TMEM178B: variants seen among roughly 807,000 people sequenced by gnomAD.
TMEM178B encodes transmembrane protein 178B.
TMEM178B carries 5 observed loss-of-function variants against 31.0 expected under a neutral mutation model. That is an observed-to-expected ratio of 0.16 (90% CI 0.08 to 0.34). TMEM178B has a LOEUF of 0.34. Among genes scored for constraint, TMEM178B ranks in the 10% least tolerant of loss-of-function variants. The pLI is 1.00. For missense variants in TMEM178B, 275 were observed against 400.3 expected (o/e 0.69, Z 2.67); for synonymous variants, 164 against 164.0 (o/e 1.00, Z 0.00).
intron 3 of TMEM178B, among the ~76,000 whole-genome samples, chr7:141,462,392 A>G (rs1392749451): frequency 6.6e-6 from 1 of 152,118 alleles, no homozygotes; most frequent in Admixed American, 6.5e-5. Context: ...GGGTGTAGAA[A>G]GAAAGAAATA....
intron 2 of TMEM178B, among the ~76,000 whole-genome samples, chr7:141,270,579 G>A (rs1798165891): frequency 6.6e-6 from 1 of 152,104 alleles, no homozygotes; most frequent in South Asian, 2.1e-4. Flanking sequence ...TTGTTTTGTT[G>A]CTCTTCTTTC....
chr7:141,224,020 A>C (rs1487549466), intron 2 of TMEM178B, among the ~76,000 whole-genome samples: 1 of 152,162 alleles, frequency 6.6e-6, no homozygotes, highest in African/African-American at 2.4e-5. Context: ...TAATTGAATC[A>C]TGGGGGCGGT....
intron 2 of TMEM178B, among the ~76,000 whole-genome samples, chr7:141,385,212 A>G (rs989030136): frequency 3.7e-4 from 56 of 152,262 alleles, no homozygotes; most frequent in African/African-American, 1.3e-3. Flanking sequence ...CTGATGTTTC[A>G]TGGTCCTTAA....
At chr7:141,510,654 C>T in the TMEM178B span, among the ~76,000 whole-genome samples, 1 of 116,246 alleles carries the variant, frequency 8.6e-6, no homozygotes, top group Non-Finnish European at 1.7e-5. Context: ...TGTTGCACTC[C>T]AGCCTGGGCA....
At chr7:141,482,965 G>T (rs1454368812), downstream of TMEM178B, among the ~76,000 whole-genome samples, 1 of 152,078 alleles carries the variant, frequency 6.6e-6, no homozygotes, top group African/African-American at 2.4e-5. Flanking sequence ...AAGTACCTAT[G>T]TGGCTAACCT....
chr7:141,401,494 C>A (rs1243049713), intron 2 of TMEM178B, among the ~76,000 whole-genome samples: 1 of 152,186 alleles, frequency 6.6e-6, no homozygotes, highest in Non-Finnish European at 1.5e-5. Context: ...TAGCTCACTG[C>A]AGCCTCAAAT....
At chr7:141,339,568 C>A (rs940926299) in intron 2 of TMEM178B, among the ~76,000 whole-genome samples, 2 of 152,148 alleles carry the variant, frequency 1.3e-5, no homozygotes, top group African/African-American at 2.4e-5. Flanking sequence ...CTAGGGAGTT[C>A]ATAAAGTGGA....
chr7:141,215,337 A>ATTATTATTATTATTATTATTATT (rs55726735), intron 2 of TMEM178B, among the ~76,000 whole-genome samples: 73 of 141,550 alleles, frequency 5.2e-4, no homozygotes, highest in Admixed American at 1.6e-3. Context: ...TATTATTATT[A>ATTATTATTATTATTATTATTATT]TTTTTTGAGA....
intron 1 of TMEM178B, among the ~76,000 whole-genome samples, chr7:141,200,389 G>C (rs1271293609): frequency 6.6e-6 from 1 of 151,046 alleles, no homozygotes; most frequent in Non-Finnish European, 1.5e-5. Flanking sequence ...GCTGAGAGGT[G>C]GTTTTTTTAG....
the TMEM178B span, among the ~76,000 whole-genome samples, chr7:141,500,595 T>C: frequency 6.6e-6 from 1 of 152,200 alleles, no homozygotes; most frequent in East Asian, 1.9e-4. Flanking sequence ...TATGGCCGTG[T>C]AGTCCTACGG....
At chr7:141,174,556 G>A (rs1486861739) in intron 1 of TMEM178B, among the ~76,000 whole-genome samples, 1 of 152,146 alleles carries the variant, frequency 6.6e-6, no homozygotes, top group African/African-American at 2.4e-5. Flanking sequence ...CACAATGGTT[G>A]AACTAATTTA....
intron 2 of TMEM178B, among the ~76,000 whole-genome samples, chr7:141,291,668 G>A (rs1798548120): frequency 6.6e-6 from 1 of 152,052 alleles, no homozygotes; most frequent in Admixed American, 6.5e-5. Context: ...AGAACCCTGT[G>A]CCGATTGTAG....
chr7:141,246,446 G>A (rs1797731308), intron 2 of TMEM178B, among the ~76,000 whole-genome samples: 1 of 152,180 alleles, frequency 6.6e-6, no homozygotes, highest in African/African-American at 2.4e-5. Context: ...CCTCTAGGGG[G>A]TTGTAACATA....
chr7:141,251,371 G>A (rs1797830886), intron 2 of TMEM178B, among the ~76,000 whole-genome samples: 1 of 151,996 alleles, frequency 6.6e-6, no homozygotes, highest in African/African-American at 2.4e-5. Flanking sequence ...CATCATATGT[G>A]TACCTGGGAA....
the TMEM178B span, among the ~76,000 whole-genome samples, chr7:141,494,109 A>G: frequency 1.1e-4 from 16 of 152,218 alleles, no homozygotes; most frequent in African/African-American, 3.6e-4. Flanking sequence ...AACAAATACT[A>G]TATTAAGATT....
intron 1 of TMEM178B, among the ~76,000 whole-genome samples, chr7:141,180,262 G>A (rs780893316): frequency 6.6e-6 from 1 of 152,028 alleles, no homozygotes; most frequent in Non-Finnish European, 1.5e-5. Flanking sequence ...ATCACCTGAG[G>A]TCAGGAGTTT....
At chr7:141,115,956 A>G (rs1316536739) in intron 1 of TMEM178B, among the ~76,000 whole-genome samples, 1 of 152,244 alleles carries the variant, frequency 6.6e-6, no homozygotes, top group East Asian at 1.9e-4. Context: ...AATAAATAAA[A>G]TGACAAAACC....
the TMEM178B span, among the ~76,000 whole-genome samples, chr7:141,489,984 A>C: frequency 4.6e-5 from 7 of 152,208 alleles, no homozygotes; most frequent in Non-Finnish European, 5.9e-5. Context: ...GGTTGCTACA[A>C]GTGTTAGAGT....
the TMEM178B span, among the ~76,000 whole-genome samples, chr7:141,505,190 A>G: frequency 6.6e-6 from 1 of 152,234 alleles, no homozygotes; most frequent in Non-Finnish European, 1.5e-5. Flanking sequence ...TTGGATTATA[A>G]ATCCATAACC....
Sources: allele counts gnomAD v4.1 joint callset (sites outside exome capture counted in the v4.1 genomes callset), GRCh38; gene constraint gnomAD v4.1.1; transcripts MANE v1.5; gene names NCBI Gene and HGNC (gene_info 2026-07-23, HGNC 2026-07-21).